KDM5A: variants seen among roughly 807,000 people sequenced by gnomAD.
KDM5A encodes the protein lysine demethylase 5A, also known as lysine-specific demethylase 5A.
In KDM5A, 42 loss-of-function variants were observed where a neutral mutation model predicts 193.5. That is an observed-to-expected ratio of 0.22 (90% CI 0.17 to 0.28). KDM5A has a LOEUF of 0.28. KDM5A is among the 10% of genes least tolerant of loss of function. KDM5A has a pLI of 1.00. For synonymous variants in KDM5A, 796 were observed against 718.1 expected (o/e 1.11, Z -1.73); for missense variants, 1,692 against 2,055.1 (o/e 0.82, Z 3.42).
In KDM5A at chr12:332,149, A is replaced by G. The variant is rs368854258; in HGVS notation, c.1654-211T>C. Reference sequence around the variant, plus strand: ...ATAATAGATTATAATTCATGACAAGAATTAGCAGCCAAAAGAAATTCTCAA... The same window carrying G: ...ATAATAGATTATAATTCATGACAAGGATTAGCAGCCAAAAGAAATTCTCAA... On this transcript the variant is annotated intron_variant, in intron 12 of 27. Coordinates refer to ENST00000399788, the MANE Select transcript of KDM5A (RefSeq NM_001042603.3). Among the ~76,000 whole-genome samples, 13 of 152,344 alleles carry G rather than the reference A, an allele frequency of 8.5e-5. No individual in the cohort carries two copies. The East Asian group carries it at 2.1e-3, about 25-fold the overall frequency.
intron 2 of KDM5A, among the ~76,000 whole-genome samples, chr12:384,638 A>T (rs1263466326): frequency 6.6e-6 from 1 of 152,248 alleles, no homozygotes; most frequent in African/African-American, 2.4e-5. Context: ...AAAGACTTCT[A>T]ATAAACTATA....
rs540405598 is a variant in KDM5A at position 285,213 on chromosome 12, C to T, written c.*243G>A. On this transcript the variant is annotated 3_prime_UTR_variant, in exon 28 of 28. Coordinates refer to ENST00000399788, the MANE Select transcript of KDM5A (RefSeq NM_001042603.3). ...CATCTGGCCTTAATGCAGTAAACCA[C>T]ACTCAAAGGAGACATGAAATATTGG... 3.5e-4 allele frequency: 200 copies of T among 571,066 alleles called. No individual in the cohort carries two copies. In the African/African-American group the frequency reaches 3.5e-3, roughly 10 times the overall value. 35.4% of individuals were successfully genotyped at this position (571,066 alleles called of 1,614,324 possible).
chr12:300,913 T>C (rs942519828), intron 24 of KDM5A, among the ~76,000 whole-genome samples: 6 of 152,130 alleles, frequency 3.9e-5, no homozygotes, highest in Non-Finnish European at 7.4e-5. Context: ...TCTACCCAAA[T>C]AAACTAGAAA....
intron 13 of KDM5A, 102 bp downstream of exon 13, chr12:331,717 G>T: frequency 7.6e-7 from 1 of 1,316,384 alleles, no homozygotes. Context: ...AAATACTGAT[G>T]AACCCGACCC....
intron 24 of KDM5A, among the ~76,000 whole-genome samples, chr12:299,085 TG>T (rs1943408512): frequency 6.6e-6 from 1 of 151,990 alleles, no homozygotes; most frequent in African/African-American, 2.4e-5. Context: ...TTGGTGTACC[TG>T]TGTGATGGAA....
chr12:331,684 A>C, intron 13 of KDM5A, 135 bp downstream of exon 13: 1 of 866,900 alleles, frequency 1.2e-6, no homozygotes, highest in Admixed American at 1.9e-5. Context: ...TCTAAACTAC[A>C]ATAGCCACTC....
At chr12:388,387 T>C in intron 1 of KDM5A, 1 of 438,368 alleles carries the variant, frequency 2.3e-6, no homozygotes, top group Non-Finnish European at 4.5e-6. Flanking sequence ...ACCTCTAAAT[T>C]TTAGAATTAT....
At position 284,980 on chromosome 12, in the gene KDM5A, T is replaced by A. The variant is rs970915325; in HGVS notation, c.*476A>T. ...CTAGTTGTATCTTTAGGGCATTAAG[T>A]ACCAGGTAACAGTGGAAGGAAAGTG... On this transcript the variant is annotated 3_prime_UTR_variant, in exon 28 of 28. Coordinates refer to ENST00000399788, the MANE Select transcript of KDM5A (RefSeq NM_001042603.3). The A allele has an allele frequency of 5.8e-5, 15 of 258,248 alleles. No homozygotes were observed. The highest frequency in any genetic ancestry group is 2.4e-4 in the Admixed American group (5 of 21,178). 16.0% of individuals were successfully genotyped at this position (258,248 alleles called of 1,614,324 possible).
intron 24 of KDM5A, among the ~76,000 whole-genome samples, chr12:306,500 T>C (rs1216838734): frequency 6.6e-6 from 1 of 152,114 alleles, no homozygotes; most frequent in Non-Finnish European, 1.5e-5. Flanking sequence ...CCCAGCACTT[T>C]GGGAGGCCGA....
intron 13 of KDM5A, 60 bp downstream of exon 13, chr12:331,759 C>A (rs1479572259): frequency 3.7e-6 from 6 of 1,603,966 alleles, no homozygotes; most frequent in Non-Finnish European, 5.1e-6. Flanking sequence ...GGCAACTAAG[C>A]TGCTTTATAT....
chr12:374,715 T>C (rs1484691961), intron 3 of KDM5A, among the ~76,000 whole-genome samples: 6 of 152,192 alleles, frequency 3.9e-5, no homozygotes, highest in Non-Finnish European at 7.3e-5. Context: ...CTGGTACCAG[T>C]TGTTCCTTTA....
intron 10 of KDM5A, among the ~76,000 whole-genome samples, chr12:335,307 G>A (rs1392387845): frequency 6.6e-6 from 1 of 152,218 alleles, no homozygotes; most frequent in Non-Finnish European, 1.5e-5. Flanking sequence ...GACTTAAAGT[G>A]CTTATCATCC....
chr12:355,601 G>A (rs1207457029), intron 6 of KDM5A, among the ~76,000 whole-genome samples: 1 of 152,126 alleles, frequency 6.6e-6, no homozygotes, highest in Non-Finnish European at 1.5e-5. Flanking sequence ...ACTGTTGACA[G>A]CCAATACTAT....
At chr12:348,766 T>TG (rs1944112143) in intron 10 of KDM5A, among the ~76,000 whole-genome samples, 1 of 144,486 alleles carries the variant, frequency 6.9e-6, no homozygotes, top group Non-Finnish European at 1.5e-5. Flanking sequence ...TGTCAGGGGG[T>TG]GGGGGGCTGG....
At chr12:312,052 A>G (rs1299053126) in intron 20 of KDM5A, among the ~76,000 whole-genome samples, 1 of 151,988 alleles carries the variant, frequency 6.6e-6, no homozygotes, top group Non-Finnish European at 1.5e-5. Context: ...AGAACTTGAC[A>G]CCCAGAATAC....
At chr12:374,448 AT>A (rs1396677154) in intron 3 of KDM5A, among the ~76,000 whole-genome samples, 2 of 151,880 alleles carry the variant, frequency 1.3e-5, no homozygotes, top group Non-Finnish European at 2.9e-5. Flanking sequence ...CCATCCCTTT[AT>A]TTTGAGCCTG....
Position 385,596 on chromosome 12 carries a change from G to C in KDM5A, c.243+301C>G, listed in dbSNP as rs74963566. 0.012 allele frequency among the ~76,000 whole-genome samples: 1,766 copies of C among 152,150 alleles called. 67 individuals are homozygous for C. The East Asian group carries it at 0.13, about 11-fold the overall frequency. Reference sequence around the variant, plus strand: ...CATTTTCCAAGAACCGAGGGAGAAAGAAATCTTCCAAGATTAACAAAAATT... The same window carrying C: ...CATTTTCCAAGAACCGAGGGAGAAACAAATCTTCCAAGATTAACAAAAATT... On this transcript the variant is annotated intron_variant, in intron 2 of 27. Transcript: ENST00000399788.
chr12:305,824 T>A (rs902358260), intron 24 of KDM5A, among the ~76,000 whole-genome samples: 2 of 152,200 alleles, frequency 1.3e-5, no homozygotes, highest in African/African-American at 2.4e-5. Context: ...ATCACATTGA[T>A]GGTAAATAAT....
chr12:315,874 G>T (rs554793023), intron 19 of KDM5A, among the ~76,000 whole-genome samples: 2 of 152,294 alleles, frequency 1.3e-5, no homozygotes, highest in East Asian at 3.9e-4. Flanking sequence ...CATCCGCCTG[G>T]AATCTAACAG....
Sources: allele counts gnomAD v4.1 joint callset (sites outside exome capture counted in the v4.1 genomes callset), GRCh38; gene constraint gnomAD v4.1.1; transcripts MANE v1.5; gene names NCBI Gene and HGNC (gene_info 2026-07-23, HGNC 2026-07-21).